The following OAS1 variants were observed in gnomAD, a reference collection of about 807,000 sequenced individuals.
OAS1 encodes 2'-5'-oligoadenylate synthase 1.
In OAS1, 24 loss-of-function variants were observed where a neutral mutation model predicts 38.5. The observed-to-expected ratio is 0.62, with a 90% CI of 0.45 to 0.88. OAS1 has a LOEUF of 0.88. Ranked by LOEUF, OAS1 falls within the 40% of genes least tolerant of loss-of-function variation. The pLI, the probability that OAS1 is intolerant of heterozygous loss-of-function variation, is 0.00. For missense variants in OAS1, 482 were observed against 493.9 expected (o/e 0.98, Z 0.23); for synonymous variants, 169 against 193.9 (o/e 0.87, Z 1.07).
chr12:112,922,642 T>C (rs1384302344), downstream of OAS1, among the ~76,000 whole-genome samples: 1 of 152,188 alleles, frequency 6.6e-6, no homozygotes, highest in Non-Finnish European at 1.5e-5. Flanking sequence ...TGTCCCTCTC[T>C]CCACACATTC....
At chr12:112,912,201 G>A (rs2043391929) in intron 3 of OAS1, among the ~76,000 whole-genome samples, 1 of 152,174 alleles carries the variant, frequency 6.6e-6, no homozygotes, top group Non-Finnish European at 1.5e-5. Context: ...TTAGCCAGGT[G>A]TGATGGTGAG....
At chr12:112,910,345 G>C (rs926211092) in intron 2 of OAS1, among the ~76,000 whole-genome samples, 1 of 152,048 alleles carries the variant, frequency 6.6e-6, no homozygotes, top group African/African-American at 2.4e-5. Flanking sequence ...TCCAGCCTGG[G>C]CAACAGAGTG....
chr12:112,926,733 C>A (rs1249030539), intron 6 of OAS1, among the ~76,000 whole-genome samples: 2 of 152,174 alleles, frequency 1.3e-5, no homozygotes, highest in Non-Finnish European at 2.9e-5. Context: ...AACATCTTAA[C>A]AGTGTTCAAG....
At chr12:112,929,718 C>T (rs867247534) in intron 6 of OAS1, among the ~76,000 whole-genome samples, 23 of 152,210 alleles carry the variant, frequency 1.5e-4, no homozygotes, top group Middle Eastern at 3.4e-3. Flanking sequence ...ACACAGAAGG[C>T]AACTGTCTTC....
chr12:112,913,613 T>A (rs2043415121), intron 3 of OAS1, among the ~76,000 whole-genome samples: 2 of 152,196 alleles, frequency 1.3e-5, no homozygotes, highest in Admixed American at 1.3e-4. Context: ...TAATTTTCTC[T>A]TTAGCTATAT....
At chr12:112,912,580 T>C (rs961879109) in intron 3 of OAS1, among the ~76,000 whole-genome samples, 3 of 152,218 alleles carry the variant, frequency 2.0e-5, no homozygotes, top group Non-Finnish European at 2.9e-5. Flanking sequence ...CTGAGCATTG[T>C]AGAATTTACA....
intron 5 of OAS1, chr12:112,918,349 T>G (rs2043491871): frequency 4.6e-6 from 1 of 216,818 alleles, no homozygotes; most frequent in Admixed American, 5.0e-5. Context: ...TGCATAATAC[T>G]CCATGGTGTA....
intron 3 of OAS1, among the ~76,000 whole-genome samples, chr12:112,913,388 A>G (rs1246136377): frequency 6.6e-6 from 1 of 152,172 alleles, no homozygotes; most frequent in Non-Finnish European, 1.5e-5. Flanking sequence ...ATCTGTGGGT[A>G]GATATCTTTA....
downstream of OAS1, among the ~76,000 whole-genome samples, chr12:112,920,288 A>G (rs1435017557): frequency 1.3e-5 from 2 of 152,222 alleles, no homozygotes; most frequent in East Asian, 1.9e-4. Flanking sequence ...CACAGCAGCC[A>G]CTAGCCACAT....
chr12:112,919,727 G>C lies in OAS1; in HGVS notation c.*174G>C. 6.7e-7 allele frequency: 1 copy of C among 1,494,558 alleles called. No individual in the cohort carries two copies. The highest frequency in any genetic ancestry group is 8.9e-7 in the Non-Finnish European group (1 of 1,117,946). 92.6% of individuals were successfully genotyped at this position (1,494,558 alleles called of 1,614,324 possible). On this transcript the variant is annotated 3_prime_UTR_variant, in exon 6 of 6. Coordinates refer to ENST00000202917, the MANE Select transcript of OAS1 (RefSeq NM_016816.4). ...CTTCTATGCCCTCTATCCTATCATAGATAACATTCTCCACAGCCTCACTTC... is the reference window on the plus strand; with the variant it reads ...CTTCTATGCCCTCTATCCTATCATACATAACATTCTCCACAGCCTCACTTC...
rs1420259870 is a variant in OAS1, at chr12:112,907,052, A to G, written c.13A>G (p.Arg5Gly). 1 of 1,614,164 alleles carries G rather than the reference A, an allele frequency of 6.2e-7. No individual in the cohort carries two copies. Among genetic ancestry groups the G allele is most frequent in the African/African-American group, 1.3e-5 (1 of 75,064 alleles). The change falls in exon 1 of 6, where the codon AGA becomes GGA. Residue 5 changes from arginine to glycine, a missense_variant. Coordinates refer to ENST00000202917, the MANE Select transcript of OAS1 (RefSeq NM_016816.4). The stretch of plus-strand genomic sequence containing the variant: ...CTCTCTCCTGTCAATGATGGATCTC[A>G]GAAATACCCCAGCCAAATCTCTGGA... MMDL[R>G]NTPAKSLDKF...
intron 2 of OAS1, among the ~76,000 whole-genome samples, chr12:112,909,511 A>G (rs1006592095): frequency 1.3e-5 from 2 of 152,062 alleles, no homozygotes; most frequent in African/African-American, 2.4e-5. Flanking sequence ...ATTTTAAAAC[A>G]TTAGCCAAGT....
At chr12:112,925,066 G>C (rs573905995) in intron 6 of OAS1, among the ~76,000 whole-genome samples, 16 of 152,152 alleles carry the variant, frequency 1.1e-4, no homozygotes, top group Non-Finnish European at 2.1e-4. Flanking sequence ...AAACTAAAAA[G>C]AGTTAATGTT....
downstream of OAS1, among the ~76,000 whole-genome samples, chr12:112,922,917 A>G (rs925868445): frequency 2.4e-4 from 36 of 152,104 alleles, no homozygotes; most frequent in Admixed American, 6.6e-5. Flanking sequence ...TTTTGTAGAG[A>G]TGGGGTCTTG....
chr12:112,911,485 T>G (rs1332707499), intron 3 of OAS1, among the ~76,000 whole-genome samples: 1 of 152,032 alleles, frequency 6.6e-6, no homozygotes, highest in Non-Finnish European at 1.5e-5. Context: ...CCCCAGAACT[T>G]AAAACAGAGC....
intron 3 of OAS1, 41 bp from the exon 4 acceptor site, chr12:112,916,468 G>A: frequency 6.4e-7 from 1 of 1,561,644 alleles, no homozygotes; most frequent in Non-Finnish European, 8.8e-7. Flanking sequence ...CACAAAAGTT[G>A]AGCAAACCAA....
intron 2 of OAS1, among the ~76,000 whole-genome samples, chr12:112,910,300 G>A (rs2043357402): frequency 6.6e-6 from 1 of 152,040 alleles, no homozygotes; most frequent in Admixed American, 6.6e-5. Context: ...CCCAGGAGAT[G>A]GAGGTTGCAA....
At chr12:112,921,016 GA>G (rs1357086204), downstream of OAS1, among the ~76,000 whole-genome samples, 1 of 152,120 alleles carries the variant, frequency 6.6e-6, no homozygotes, top group East Asian at 1.9e-4. Context: ...CTCATTCATT[GA>G]AAGCTTATGT....
chr12:112,918,054 T>G, intron 5 of OAS1: 4 of 640,786 alleles, frequency 6.2e-6, no homozygotes, highest in South Asian at 2.7e-5. Flanking sequence ...AAAAATTTTT[T>G]ATTATTTTAG....
Sources: gnomAD v4.1 joint callset for allele counts (sites outside exome capture counted in the v4.1 genomes callset) on GRCh38, gnomAD v4.1.1 for gene constraint, MANE v1.5 for transcripts, NCBI Gene and HGNC (gene_info 2026-07-23, HGNC 2026-07-21) for gene names.